Variants in METTL25 observed in about 807,000 individuals in gnomAD.
METTL25 encodes probable methyltransferase-like protein 25.
METTL25 carries 64 observed loss-of-function variants against 71.6 expected under a neutral mutation model. The ratio of observed to expected loss-of-function variants is 0.89; its 90% confidence interval spans 0.73 to 1.10. The LOEUF (loss-of-function observed/expected upper bound fraction) is 1.10. Among genes scored for constraint, METTL25 ranks in the 50% least tolerant of loss-of-function variants. The pLI is 0.00. For synonymous variants in METTL25, 287 were observed against 250.3 expected, an observed-to-expected ratio of 1.15 and a Z score of -1.38; for missense variants, 807 against 707.0, an observed-to-expected ratio of 1.14 and a Z score of -1.60.
chr12:82,366,729 C>A (rs944694205), intron 1 of METTL25, among the ~76,000 whole-genome samples: 2 of 152,200 alleles, frequency 1.3e-5, no homozygotes, highest in Non-Finnish European at 2.9e-5. Flanking sequence ...TGGAAACAGA[C>A]AGTGAGAGCA....
At chr12:82,469,582 G>A (rs1199394031) in intron 9 of METTL25, among the ~76,000 whole-genome samples, 1 of 152,020 alleles carries the variant, frequency 6.6e-6, no homozygotes, top group East Asian at 1.9e-4. Flanking sequence ...CCCAGGACAC[G>A]TGGGGATTAT....
chr12:82,420,254 A>C (rs113412660), intron 5 of METTL25, among the ~76,000 whole-genome samples: 1 of 152,168 alleles, frequency 6.6e-6, no homozygotes, highest in African/African-American at 2.4e-5. Context: ...AAATTTGGAG[A>C]TATATTGTGT....
chr12:82,428,010 G>GT (rs1282129819), intron 5 of METTL25, among the ~76,000 whole-genome samples: 5 of 151,868 alleles, frequency 3.3e-5, no homozygotes, highest in Admixed American at 2.6e-4. Context: ...AGGTTCTTCT[G>GT]TTTTTTTGCT....
chr12:82,360,093 G>A (rs2136775729), intron 1 of METTL25, among the ~76,000 whole-genome samples: 1 of 152,236 alleles, frequency 6.6e-6, no homozygotes, highest in African/African-American at 2.4e-5. Flanking sequence ...ATTAGATACT[G>A]GATGAATATT....
chr12:82,433,254 T>A (rs555073972), intron 6 of METTL25, among the ~76,000 whole-genome samples: 35 of 151,402 alleles, frequency 2.3e-4, no homozygotes, highest in African/African-American at 8.5e-4. Flanking sequence ...AATAGTCTAT[T>A]TTTTTTTAAT....
At chr12:82,379,809 C>T (rs1415995891) in intron 1 of METTL25, among the ~76,000 whole-genome samples, 1 of 152,114 alleles carries the variant, frequency 6.6e-6, no homozygotes, top group Non-Finnish European at 1.5e-5. Flanking sequence ...ACTATTGGAC[C>T]TCCATGTTGG....
chr12:82,439,119 T>G (rs1452995359), intron 8 of METTL25: 4 of 166,756 alleles, frequency 2.4e-5, no homozygotes, highest in Non-Finnish European at 5.1e-5. Context: ...GAATGTTTCA[T>G]AAACAGCATA....
rs2137184588 is a variant in METTL25, at chr12:82,439,008, T to C, written c.1478+217T>C. 1.2e-5 allele frequency: 4 copies of C among 331,948 alleles called. No individual in the cohort carries two copies. The East Asian group carries it at 1.8e-4, about 15-fold the overall frequency. The allele number at this position is 331,948 out of a possible 1,614,324, so 20.6% of individuals were successfully genotyped here. ...TCCTTCTTGTCCTGAAAGCTTGTTG[T>C]AATGATAAAATAATCTATGTAAAAT... On this transcript the variant is annotated intron_variant, in intron 8 of 11. Coordinates refer to ENST00000248306, the MANE Select transcript of METTL25 (RefSeq NM_032230.3).
At chr12:82,366,385 C>G (rs576127087) in intron 1 of METTL25, among the ~76,000 whole-genome samples, 1 of 152,284 alleles carries the variant, frequency 6.6e-6, no homozygotes, top group Admixed American at 6.5e-5. Flanking sequence ...AGTTTCTTGA[C>G]GCCATATGCT....
chr12:82,382,863 T>A (rs1401676303), intron 1 of METTL25, among the ~76,000 whole-genome samples: 2 of 151,930 alleles, frequency 1.3e-5, no homozygotes, highest in African/African-American at 4.8e-5. Context: ...TATATGCCAC[T>A]GTACCCAGCT....
intron 1 of METTL25, among the ~76,000 whole-genome samples, chr12:82,364,519 A>T (rs1419088519): frequency 2.6e-5 from 4 of 152,220 alleles, no homozygotes; most frequent in South Asian, 2.1e-4. Flanking sequence ...CATGTTTAGT[A>T]GGAAAGACTG....
chr12:82,400,843 C>T (rs1886561512), intron 4 of METTL25, among the ~76,000 whole-genome samples: 1 of 151,936 alleles, frequency 6.6e-6, no homozygotes, highest in Non-Finnish European at 1.5e-5. Context: ...ATTTTTGTCT[C>T]CTAGCTGCTA....
intron 9 of METTL25, among the ~76,000 whole-genome samples, chr12:82,465,792 T>G (rs1027116664): frequency 3.3e-5 from 5 of 152,052 alleles, no homozygotes; most frequent in Non-Finnish European, 5.9e-5. Flanking sequence ...GTTATTGGTC[T>G]ATTCAGGTTT....
chr12:82,408,506 A>C (rs1887280798), intron 5 of METTL25, among the ~76,000 whole-genome samples: 1 of 152,102 alleles, frequency 6.6e-6, no homozygotes, highest in Non-Finnish European at 1.5e-5. Flanking sequence ...AAGGAGAAAA[A>C]TCTAGAACAA....
chr12:82,461,011 C>T (rs1352133928), intron 9 of METTL25, among the ~76,000 whole-genome samples: 3 of 151,750 alleles, frequency 2.0e-5, no homozygotes, highest in Admixed American at 1.3e-4. Context: ...GGCATGGTGG[C>T]GGGCGCCTGT....
chr12:82,479,079 T>C lies in METTL25; in HGVS notation c.*55T>C. 1 of 1,484,400 alleles carries C rather than the reference T, an allele frequency of 6.7e-7. No individual in the cohort carries two copies. Among genetic ancestry groups the C allele is most frequent in the South Asian group, 1.1e-5 (1 of 87,428 alleles). The allele number at this position is 1,484,400 out of a possible 1,614,324, so 92.0% of individuals were successfully genotyped here. A position where few individuals can be genotyped will look rare whatever the true frequency, so the allele number is the denominator to read the frequency against. The stretch of plus-strand genomic sequence containing the variant: ...TTCTCTATGAGACCTGTTGCTGAGA[T>C]TGCTTTTCTAAACATATATGTCCTG... On this transcript the variant is annotated 3_prime_UTR_variant, in exon 12 of 12. Coordinates refer to ENST00000248306, the MANE Select transcript of METTL25 (RefSeq NM_032230.3).
At chr12:82,409,618 G>A (rs1477607945) in intron 5 of METTL25, among the ~76,000 whole-genome samples, 3 of 152,040 alleles carry the variant, frequency 2.0e-5, no homozygotes, top group Non-Finnish European at 4.4e-5. Flanking sequence ...GCAAATTTGT[G>A]ACTGATCTGC....
At chr12:82,409,001 A>G (rs1226736291) in intron 5 of METTL25, among the ~76,000 whole-genome samples, 1 of 152,074 alleles carries the variant, frequency 6.6e-6, no homozygotes, top group South Asian at 2.1e-4. Flanking sequence ...GCCCTTTGGG[A>G]TGTAAATTTG....
chr12:82,423,196 G>A (rs1375630648), intron 5 of METTL25, among the ~76,000 whole-genome samples: 3 of 152,148 alleles, frequency 2.0e-5, no homozygotes, highest in East Asian at 1.9e-4. Context: ...AAACAGAGAT[G>A]TAGACCAATG....
Sources: gnomAD v4.1 joint callset for allele counts (sites outside exome capture counted in the v4.1 genomes callset) on GRCh38, gnomAD v4.1.1 for gene constraint, MANE v1.5 for transcripts, NCBI Gene and HGNC (gene_info 2026-07-23, HGNC 2026-07-21) for gene names.